ADGRL3: variants seen among roughly 807,000 people sequenced by gnomAD.
ADGRL3 encodes the protein calcium-independent alpha-latrotoxin receptor 3.
A neutral mutation model predicts 153.5 loss-of-function variants in ADGRL3; 62 were observed. The ratio of observed to expected loss-of-function variants is 0.40; its 90% CI spans 0.33 to 0.50. The LOEUF (loss-of-function observed/expected upper bound fraction) is 0.50. Ranked by LOEUF, ADGRL3 falls within the 20% of genes least tolerant of loss-of-function variation. ADGRL3 has a pLI of 0.47. For synonymous variants in ADGRL3, 710 were observed against 672.5 expected, an observed-to-expected ratio of 1.06 and a Z score of -0.86; for missense variants, 1,641 against 1,859.4, an observed-to-expected ratio of 0.88 and a Z score of 2.16.
At chr4:61,774,135 A>C (rs991890808) in intron 8 of ADGRL3, among the ~76,000 whole-genome samples, 6 of 152,026 alleles carry the variant, frequency 3.9e-5, no homozygotes, top group Non-Finnish European at 7.4e-5. Context: ...CAGGAGGATC[A>C]CCTAAGGTCA....
At position 61,509,220 on chromosome 4, in the gene ADGRL3, C is replaced by G. The variant is rs191563986; in HGVS notation, c.56-8095C>G. The stretch of plus-strand genomic sequence containing the variant: ...TCGGCTCACTGCAACCTCCGCCTCC[C>G]GGGTTCAAGTGATTCTCCTGCCTCA... On this transcript the variant is annotated intron_variant, in intron 3 of 26. Coordinates refer to ENST00000683033, the MANE Select transcript of ADGRL3 (RefSeq NM_001387552.1). Among the ~76,000 whole-genome samples, 81 of 151,504 alleles carry G rather than the reference C, an allele frequency of 5.3e-4. No individual in the cohort carries two copies. The East Asian group carries it at 0.015, about 29-fold the overall frequency.
chr4:61,515,447 C>G (rs1480888087), intron 3 of ADGRL3, among the ~76,000 whole-genome samples: 2 of 150,780 alleles, frequency 1.3e-5, no homozygotes, highest in East Asian at 3.9e-4. Flanking sequence ...TATTTTTTCT[C>G]TAATATTTAT....
At chr4:61,849,395 C>G (rs993336878) in intron 9 of ADGRL3, among the ~76,000 whole-genome samples, 4 of 152,166 alleles carry the variant, frequency 2.6e-5, no homozygotes, top group African/African-American at 9.7e-5. Context: ...CCTTACTACA[C>G]AGCCTCACTT....
At chr4:61,598,254 C>T (rs543164772) in intron 5 of ADGRL3, among the ~76,000 whole-genome samples, 1 of 152,166 alleles carries the variant, frequency 6.6e-6, no homozygotes, top group South Asian at 2.1e-4. Context: ...ATTAGCAGCA[C>T]AAACCGACAT....
chr4:61,979,449 A>T, intron 17 of ADGRL3, 114 bp from the exon 18 acceptor site: 2 of 818,950 alleles, frequency 2.4e-6, no homozygotes, highest in Non-Finnish European at 4.2e-6. Flanking sequence ...CATTGTGGGT[A>T]TAGAGGGTAT....
At chr4:61,762,330 A>T (rs981700708) in intron 8 of ADGRL3, among the ~76,000 whole-genome samples, 1 of 152,148 alleles carries the variant, frequency 6.6e-6, no homozygotes, top group Admixed American at 6.6e-5. Flanking sequence ...TTATTTGACA[A>T]TGCTTCTTAT....
intron 2 of ADGRL3, among the ~76,000 whole-genome samples, chr4:61,407,959 T>G (rs555602643): frequency 6.6e-6 from 1 of 152,230 alleles, no homozygotes; most frequent in South Asian, 2.1e-4. Flanking sequence ...TTATGAGGAA[T>G]GCATCTGGAA....
At chr4:61,615,438 A>G (rs1233228114) in intron 5 of ADGRL3, among the ~76,000 whole-genome samples, 2 of 152,096 alleles carry the variant, frequency 1.3e-5, no homozygotes, top group Non-Finnish European at 2.9e-5. Context: ...ACGCCTTGCA[A>G]TATTAAGGGG....
intron 17 of ADGRL3, among the ~76,000 whole-genome samples, chr4:61,960,987 T>C (rs4860446): frequency 0.1 from 15,955 of 152,170 alleles, 1,114 homozygotes; most frequent in East Asian, 0.18. Flanking sequence ...AGATTACAGG[T>C]GTGAGCCACT....
intron 1 of ADGRL3, among the ~76,000 whole-genome samples, chr4:61,358,354 T>C (rs2096217563): frequency 6.6e-6 from 1 of 151,992 alleles, no homozygotes; most frequent in Non-Finnish European, 1.5e-5. Flanking sequence ...GTCCAGCACT[T>C]TGGGAGGCCA....
intron 8 of ADGRL3, among the ~76,000 whole-genome samples, chr4:61,800,339 GT>G (rs2097478566): frequency 6.6e-6 from 1 of 152,154 alleles, no homozygotes; most frequent in Admixed American, 6.5e-5. Context: ...CAGAACCTGA[GT>G]TATCATCACG....
intron 4 of ADGRL3, among the ~76,000 whole-genome samples, chr4:61,545,432 A>G (rs1449227169): frequency 6.6e-6 from 1 of 152,088 alleles, no homozygotes; most frequent in Non-Finnish European, 1.5e-5. Context: ...TCTCTTTCAT[A>G]TCTTACTTTT....
At chr4:61,643,159 A>T (rs1304130184) in intron 5 of ADGRL3, among the ~76,000 whole-genome samples, 3 of 152,116 alleles carry the variant, frequency 2.0e-5, no homozygotes, top group African/African-American at 7.2e-5. Flanking sequence ...ACTTTGCTGA[A>T]GTTGCTTATC....
intron 4 of ADGRL3, among the ~76,000 whole-genome samples, chr4:61,528,780 T>C (rs1467326168): frequency 6.6e-6 from 1 of 152,140 alleles, no homozygotes; most frequent in African/African-American, 2.4e-5. Flanking sequence ...AATATCAAAA[T>C]TCACTTTCTG....
At chr4:61,554,352 T>G (rs930331187) in intron 4 of ADGRL3, among the ~76,000 whole-genome samples, 2 of 151,556 alleles carry the variant, frequency 1.3e-5, no homozygotes, top group African/African-American at 4.8e-5. Context: ...TGCCACCACG[T>G]CTAGCTAATT....
chr4:61,857,066 C>G (rs1478968816), intron 9 of ADGRL3, among the ~76,000 whole-genome samples: 1 of 147,876 alleles, frequency 6.8e-6, no homozygotes, highest in Non-Finnish European at 1.5e-5. Context: ...CCCTCTCTCT[C>G]TCTTTCTTTC....
intron 1 of ADGRL3, among the ~76,000 whole-genome samples, chr4:61,314,417 C>G (rs963415792): frequency 1.3e-5 from 2 of 152,108 alleles, no homozygotes; most frequent in African/African-American, 4.8e-5. Flanking sequence ...CCACGTTGTT[C>G]AGGCTGGTCT....
chr4:61,760,825 C>T (rs1415001418), intron 8 of ADGRL3, among the ~76,000 whole-genome samples: 1 of 152,022 alleles, frequency 6.6e-6, no homozygotes, highest in East Asian at 1.9e-4. Context: ...TATATTGAGA[C>T]AGGGAAATTG....
intron 1 of ADGRL3, among the ~76,000 whole-genome samples, chr4:61,219,364 A>G (rs1266080742): frequency 1.3e-5 from 2 of 152,214 alleles, no homozygotes; most frequent in African/African-American, 2.4e-5. Flanking sequence ...TTCTCTGAAG[A>G]CCTGTAACGT....
Sources: allele counts gnomAD v4.1 joint callset (sites outside exome capture counted in the v4.1 genomes callset), GRCh38; gene constraint gnomAD v4.1.1; transcripts MANE v1.5; gene names NCBI Gene and HGNC (gene_info 2026-07-23, HGNC 2026-07-21).